CAMK1D: variants seen among roughly 807,000 people sequenced by gnomAD.
CAMK1D encodes calcium/calmodulin-dependent protein kinase type 1D.
In CAMK1D, 9 loss-of-function variants were observed where a neutral mutation model predicts 47.7. That is an observed-to-expected ratio of 0.19 (90% CI 0.11 to 0.33). The LOEUF (loss-of-function observed/expected upper bound fraction) is 0.33. Ranked by LOEUF, CAMK1D falls within the 10% of genes least tolerant of loss-of-function variation. CAMK1D has a pLI of 1.00. For missense variants in CAMK1D, 291 were observed against 488.7 expected (o/e 0.60, Z 3.81); for synonymous variants, 184 against 184.9 (o/e 0.99, Z 0.04).
At chr10:12,683,394 C>G (rs1035011771) in intron 3 of CAMK1D, among the ~76,000 whole-genome samples, 1 of 152,034 alleles carries the variant, frequency 6.6e-6, no homozygotes, top group African/African-American at 2.4e-5. Context: ...CCATAAAATT[C>G]TTTTTATAAG....
chr10:12,607,320 G>C (rs1266335703), intron 2 of CAMK1D, among the ~76,000 whole-genome samples: 2 of 152,156 alleles, frequency 1.3e-5, no homozygotes, highest in East Asian at 3.9e-4. Context: ...GCATTAGTGA[G>C]GCTAATCCAG....
intron 1 of CAMK1D, among the ~76,000 whole-genome samples, chr10:12,526,892 T>A: frequency 2.5e-5 from 1 of 39,256 alleles, no homozygotes; most frequent in African/African-American, 1.1e-4. Flanking sequence ...AGCAAAACCC[T>A]ATCTCAAAAA....
At chr10:12,674,930 G>T (rs569361398) in intron 3 of CAMK1D, among the ~76,000 whole-genome samples, 3 of 151,412 alleles carry the variant, frequency 2.0e-5, no homozygotes, top group Non-Finnish European at 4.4e-5. Flanking sequence ...TACTCAGGAG[G>T]CTGAGGCAGG....
chr10:12,686,369 T>C (rs977134681), intron 3 of CAMK1D, among the ~76,000 whole-genome samples: 1 of 152,208 alleles, frequency 6.6e-6, no homozygotes, highest in Non-Finnish European at 1.5e-5. Context: ...TTGCCCAGAC[T>C]AGAGTGCAAT....
At chr10:12,550,773 T>C (rs535811077) in intron 1 of CAMK1D, among the ~76,000 whole-genome samples, 2 of 152,190 alleles carry the variant, frequency 1.3e-5, no homozygotes, top group South Asian at 4.1e-4. Context: ...CTGGGATATT[T>C]TGTGGAATGA....
intron 3 of CAMK1D, among the ~76,000 whole-genome samples, chr10:12,714,449 G>A (rs1009446300): frequency 6.6e-6 from 1 of 151,982 alleles, no homozygotes; most frequent in African/African-American, 2.4e-5. Context: ...GGCCAGGTGC[G>A]GTGGCTCACG....
At chr10:12,430,165 C>T (rs995500085) in intron 1 of CAMK1D, among the ~76,000 whole-genome samples, 1 of 152,130 alleles carries the variant, frequency 6.6e-6, no homozygotes, top group Non-Finnish European at 1.5e-5. Flanking sequence ...CTAGAAAACC[C>T]CTGTTCCAAT....
intron 9 of CAMK1D, 27 bp downstream of exon 9, chr10:12,824,579 CG>C: frequency 6.4e-7 from 1 of 1,562,630 alleles, no homozygotes; most frequent in South Asian, 1.1e-5. Context: ...TGAAATTCCC[CG>C]TGGATTAACC....
chr10:12,650,931 A>G (rs988847252), intron 2 of CAMK1D, among the ~76,000 whole-genome samples: 2 of 151,886 alleles, frequency 1.3e-5, no homozygotes, highest in African/African-American at 4.8e-5. Flanking sequence ...AGGGTTCCAC[A>G]CCTGCCAGTC....
At chr10:12,431,648 T>C (rs1056663861) in intron 1 of CAMK1D, among the ~76,000 whole-genome samples, 1 of 152,148 alleles carries the variant, frequency 6.6e-6, no homozygotes, top group East Asian at 1.9e-4. Context: ...GCTCTGTTAC[T>C]CCAGGGCCAG....
At chr10:12,539,962 C>G (rs1836111756) in intron 1 of CAMK1D, among the ~76,000 whole-genome samples, 1 of 152,204 alleles carries the variant, frequency 6.6e-6, no homozygotes, top group African/African-American at 2.4e-5. Flanking sequence ...ACACTGTAGG[C>G]TGGAGTGCAA....
intron 5 of CAMK1D, among the ~76,000 whole-genome samples, chr10:12,786,351 G>T (rs1837721588): frequency 6.6e-6 from 1 of 152,060 alleles, no homozygotes; most frequent in African/African-American, 2.4e-5. Flanking sequence ...TTTGTATTTT[G>T]TTGGTCGATA....
intron 1 of CAMK1D, among the ~76,000 whole-genome samples, chr10:12,527,573 G>C (rs1835667442): frequency 6.6e-6 from 1 of 152,016 alleles, no homozygotes; most frequent in Non-Finnish European, 1.5e-5. Flanking sequence ...TCACCATGTT[G>C]GTCTGGCTGG....
chr10:12,689,688 A>AACAC (rs1832797130), intron 3 of CAMK1D, among the ~76,000 whole-genome samples: 1 of 152,014 alleles, frequency 6.6e-6, no homozygotes, highest in African/African-American at 2.4e-5. Context: ...AGGCAGGAGA[A>AACAC]TCGCTTGAAC....
chr10:12,623,067 T>C (rs866196322), intron 2 of CAMK1D, among the ~76,000 whole-genome samples: 1,154 of 63,858 alleles, frequency 0.018, 72 homozygotes, highest in African/African-American at 0.071. Flanking sequence ...CTCCCTCCCT[T>C]CCTCCCTTCC....
intron 3 of CAMK1D, among the ~76,000 whole-genome samples, chr10:12,726,892 C>T (rs549223841): frequency 1.0e-3 from 155 of 152,348 alleles, no homozygotes; most frequent in Non-Finnish European, 2.0e-3. Flanking sequence ...GTTCGTGCAT[C>T]CAGGTGAGAA....
intron 1 of CAMK1D, among the ~76,000 whole-genome samples, chr10:12,429,240 T>C (rs1840357591): frequency 6.6e-6 from 1 of 152,138 alleles, no homozygotes. Context: ...CCCCCACTCT[T>C]CTTTCTCATT....
chr10:12,402,671 G>A (rs1839271195), intron 1 of CAMK1D, among the ~76,000 whole-genome samples: 1 of 152,186 alleles, frequency 6.6e-6, no homozygotes, highest in Admixed American at 6.5e-5. Flanking sequence ...CCTGGAACAG[G>A]GGAGTCAGGG....
intron 1 of CAMK1D, among the ~76,000 whole-genome samples, chr10:12,417,433 CAG>C (rs1224362819): frequency 1.6e-4 from 25 of 152,318 alleles, no homozygotes; most frequent in African/African-American, 5.8e-4. Context: ...AGAAAGAAAA[CAG>C]AGGCGGGATC....
Sources: gnomAD v4.1 joint callset for allele counts (sites outside exome capture counted in the v4.1 genomes callset) on GRCh38, gnomAD v4.1.1 for gene constraint, MANE v1.5 for transcripts, NCBI Gene and HGNC (gene_info 2026-07-23, HGNC 2026-07-21) for gene names.